QTMAN: variants seen among roughly 807,000 people sequenced by gnomAD.
The protein encoded by QTMAN is tRNA-queuosine alpha-mannosyltransferase.
At chr2:144,021,479 A>G in the QTMAN span, among the ~76,000 whole-genome samples, 1 of 152,180 alleles carries the variant, frequency 6.6e-6, no homozygotes, top group Non-Finnish European at 1.5e-5. Context: ...AAAGACACAG[A>G]ATCCAGGACA....
the QTMAN span, among the ~76,000 whole-genome samples, chr2:143,989,553 G>A: frequency 3.9e-5 from 6 of 152,258 alleles, no homozygotes; most frequent in South Asian, 2.1e-4. Context: ...GAGGAGGGAC[G>A]GCATTGCAGG....
chr2:144,182,886 TTATATATA>T, the QTMAN span, among the ~76,000 whole-genome samples: 437 of 77,098 alleles, frequency 5.7e-3, 3 homozygotes, highest in African/African-American at 0.024. Context: ...TATATATATT[TTATATATA>T]TATATATTAT....
At chr2:144,159,757 AAAGTG>A in the QTMAN span, among the ~76,000 whole-genome samples, 4 of 152,110 alleles carry the variant, frequency 2.6e-5, no homozygotes, top group Non-Finnish European at 5.9e-5. Flanking sequence ...TACAGAAATA[AAAGTG>A]GTCAATACTC....
chr2:144,020,699 C>A, the QTMAN span, among the ~76,000 whole-genome samples: 6 of 152,028 alleles, frequency 3.9e-5, no homozygotes, highest in East Asian at 7.8e-4. Context: ...AGTCACACCC[C>A]CATCACACAC....
the QTMAN span, chr2:144,141,986 T>A: frequency 6.2e-7 from 1 of 1,610,700 alleles, no homozygotes; most frequent in Non-Finnish European, 8.5e-7. Context: ...GCTTCATAAA[T>A]TTTCCCATGG....
At chr2:144,073,903 A>G in the QTMAN span, among the ~76,000 whole-genome samples, 2 of 152,200 alleles carry the variant, frequency 1.3e-5, no homozygotes, top group Admixed American at 1.3e-4. Context: ...GGAAGAGGGT[A>G]TATCATCCCA....
chr2:144,274,215 T>C, the QTMAN span, among the ~76,000 whole-genome samples: 31 of 152,312 alleles, frequency 2.0e-4, no homozygotes, highest in South Asian at 3.3e-3. Flanking sequence ...TCCTAAGCAA[T>C]AGGGGCACTA....
At chr2:144,033,718 C>A in the QTMAN span, among the ~76,000 whole-genome samples, 3 of 152,160 alleles carry the variant, frequency 2.0e-5, no homozygotes, top group Non-Finnish European at 2.9e-5. Context: ...CCTCGGTCAA[C>A]CAGCCCCTCC....
At chr2:144,288,854 C>A in the QTMAN span, among the ~76,000 whole-genome samples, 380 of 152,096 alleles carry the variant, frequency 2.5e-3, 1 homozygote, top group African/African-American at 8.3e-3. Flanking sequence ...ACACCCCAAG[C>A]CCCTGGTGCA....
At chr2:144,126,527 C>CAGAAAAACCA in the QTMAN span, among the ~76,000 whole-genome samples, 2 of 151,966 alleles carry the variant, frequency 1.3e-5, no homozygotes, top group Non-Finnish European at 2.9e-5. Flanking sequence ...TGAGGGGATG[C>CAGAAAAACCA]ATACAGTCAT....
the QTMAN span, among the ~76,000 whole-genome samples, chr2:144,197,527 T>G: frequency 1.2e-4 from 19 of 152,118 alleles, 1 homozygote; most frequent in Non-Finnish European, 5.9e-5. Context: ...CATTATCTAG[T>G]TTTTAAAATA....
At chr2:144,246,295 CGGGCGCGG>C in the QTMAN span, among the ~76,000 whole-genome samples, 1 of 152,076 alleles carries the variant, frequency 6.6e-6, no homozygotes, top group Non-Finnish European at 1.5e-5. Context: ...ATTTAAAGGC[CGGGCGCGG>C]TGGCTCACGC....
the QTMAN span, among the ~76,000 whole-genome samples, chr2:144,279,368 C>T: frequency 2.8e-5 from 4 of 142,542 alleles, no homozygotes; most frequent in African/African-American, 5.1e-5. Context: ...ATCTCCTCAC[C>T]GCAAGAAAAA....
chr2:143,952,384 G>A, the QTMAN span, among the ~76,000 whole-genome samples: 65 of 151,174 alleles, frequency 4.3e-4, no homozygotes, highest in Admixed American at 2.4e-3. Context: ...TTATGTACCC[G>A]TACAACAGTT....
At chr2:144,202,277 C>A in the QTMAN span, among the ~76,000 whole-genome samples, 1 of 152,062 alleles carries the variant, frequency 6.6e-6, no homozygotes. Flanking sequence ...TCTAGAGGCC[C>A]CATGTACAGG....
chr2:144,189,344 T>A, the QTMAN span, among the ~76,000 whole-genome samples: 1 of 152,284 alleles, frequency 6.6e-6, no homozygotes, highest in Non-Finnish European at 1.5e-5. Flanking sequence ...AGGGCAGGGC[T>A]ATCCCCTAAG....
At chr2:144,142,158 C>G in the QTMAN span, 2 of 703,032 alleles carry the variant, frequency 2.8e-6, no homozygotes, top group Non-Finnish European at 4.6e-6. Context: ...TATACTACAC[C>G]TTAGGTTTGC....
At chr2:143,975,407 T>C in the QTMAN span, among the ~76,000 whole-genome samples, 4 of 152,358 alleles carry the variant, frequency 2.6e-5, no homozygotes, top group South Asian at 8.3e-4. Flanking sequence ...ACTAGTTCTT[T>C]ATGAATGCTA....
chr2:143,961,389 T>C, the QTMAN span, among the ~76,000 whole-genome samples: 1 of 152,152 alleles, frequency 6.6e-6, no homozygotes. Flanking sequence ...AAACCAAGTA[T>C]AGCAACTACA....
Sources: gnomAD v4.1 joint callset for allele counts (sites outside exome capture counted in the v4.1 genomes callset) on GRCh38, gnomAD v4.1.1 for gene constraint, MANE v1.5 for transcripts, NCBI Gene and HGNC (gene_info 2026-07-23, HGNC 2026-07-21) for gene names.